SLC4A5: variants seen among roughly 807,000 people sequenced by gnomAD.
SLC4A5 encodes the protein electrogenic sodium bicarbonate cotransporter 4.
SLC4A5 carries 96 observed loss-of-function variants against 120.4 expected under a neutral mutation model. The observed-to-expected ratio is 0.80, with a 90% CI of 0.68 to 0.94. SLC4A5 has a LOEUF of 0.94. Ranked by LOEUF, SLC4A5 falls within the 40% of genes least tolerant of loss-of-function variation. The probability of loss-of-function intolerance (pLI) is 0.00; values close to 1 mark genes in which losing one functional copy is unlikely to be tolerated. For synonymous variants in SLC4A5, 550 were observed against 571.1 expected (o/e 0.96, Z 0.53); for missense variants, 1,259 against 1,459.5 (o/e 0.86, Z 2.24).
intron 11 of SLC4A5, among the ~76,000 whole-genome samples, chr2:74,260,732 C>T (rs1457444005): frequency 6.6e-6 from 1 of 152,168 alleles, no homozygotes; most frequent in Non-Finnish European, 1.5e-5. Flanking sequence ...GGCTCAGTCT[C>T]TGCCTTCCAA....
rs543279477 is a variant in SLC4A5, at chr2:74,304,803, G to C, written c.80-123C>G. 3.8e-5 allele frequency: 36 copies of C among 946,620 alleles called. No individual in the cohort carries two copies. The African/African-American group carries it at 5.7e-4, about 15-fold the overall frequency. The allele number at this position is 946,620 out of a possible 1,614,324, so 58.6% of individuals were successfully genotyped here. A position where few individuals can be genotyped will look rare whatever the true frequency, so the allele number is the denominator to read the frequency against. On this transcript the variant is annotated intron_variant, in intron 6 of 30. Coordinates refer to ENST00000394019, the Ensembl canonical transcript of SLC4A5. Reference sequence around the variant, plus strand: ...CAAAATGGAAGACATGGAGTGCCAGGATGGGGTCATTGCCCTGAGGCTTGG... The same window carrying C: ...CAAAATGGAAGACATGGAGTGCCAGCATGGGGTCATTGCCCTGAGGCTTGG...
At chr2:74,256,924 A>G (rs1367892637) in intron 12 of SLC4A5, among the ~76,000 whole-genome samples, 1 of 152,182 alleles carries the variant, frequency 6.6e-6, no homozygotes, top group Non-Finnish European at 1.5e-5. Flanking sequence ...GCCTGGGGGT[A>G]GAGGACAGCT....
At chr2:74,248,626 G>T in intron 17 of SLC4A5, 140 bp from the exon 18 acceptor site, 2 of 969,216 alleles carry the variant, frequency 2.1e-6, no homozygotes, top group Non-Finnish European at 1.5e-6. Flanking sequence ...CCTAAATCCT[G>T]TTCTCCATCT....
At chr2:74,257,629 G>T (rs1226353051) in intron 12 of SLC4A5, among the ~76,000 whole-genome samples, 1 of 152,122 alleles carries the variant, frequency 6.6e-6, no homozygotes, top group Admixed American at 6.5e-5. Flanking sequence ...GTAAAGGCTG[G>T]AGTGCAGTGG....
At chr2:74,252,584 A>T (rs888625347) in intron 15 of SLC4A5, among the ~76,000 whole-genome samples, 196 bp from the exon 16 acceptor site, 5 of 152,196 alleles carry the variant, frequency 3.3e-5, no homozygotes, top group African/African-American at 1.2e-4. Flanking sequence ...TTATTTTTAA[A>T]CTTATTTTAA....
At chr2:74,230,588 G>A (rs1670043347) in intron 25 of SLC4A5, among the ~76,000 whole-genome samples, 2 of 152,076 alleles carry the variant, frequency 1.3e-5, no homozygotes, top group African/African-American at 4.8e-5. Flanking sequence ...CTGGCAATGT[G>A]GAAACACACC....
intron 17 of SLC4A5, 127 bp downstream of exon 17, chr2:74,250,216 A>G (rs2103984352): frequency 1.2e-6 from 1 of 832,698 alleles, no homozygotes; most frequent in Non-Finnish European, 1.9e-6. Context: ...AAGGATTACA[A>G]ATAGTGATGG....
chr2:74,232,606 G>A (rs770064672), exon 24 of SLC4A5: 65 of 1,613,808 alleles, frequency 4.0e-5, no homozygotes, highest in Non-Finnish European at 5.3e-5. Context: ...AAGCCATGAG[G>A]ATGCCCACCC....
chr2:74,235,690 C>T (rs1670246900), intron 21 of SLC4A5, among the ~76,000 whole-genome samples: 1 of 152,164 alleles, frequency 6.6e-6, no homozygotes, highest in African/African-American at 2.4e-5. Context: ...GAGGGAGGCT[C>T]CCCAATTCCA....
At chr2:74,228,128 C>T (rs186437833) in intron 25 of SLC4A5, among the ~76,000 whole-genome samples, 265 of 152,268 alleles carry the variant, frequency 1.7e-3, no homozygotes, top group Non-Finnish European at 2.8e-3. Context: ...CTCACTGCAC[C>T]GTGCGGAGGC....
At chr2:74,220,447 G>A (rs1235162029) in intron 30 of SLC4A5, among the ~76,000 whole-genome samples, 6 of 152,052 alleles carry the variant, frequency 3.9e-5, no homozygotes, top group South Asian at 2.1e-4. Flanking sequence ...CCAGGGTTTC[G>A]ATCCTTAGCG....
In SLC4A5 at chr2:74,327,783, G is replaced by A. The variant is rs183434695; in HGVS notation, c.-3+337C>T. Among the ~76,000 whole-genome samples, 182 of 152,200 alleles carry A rather than the reference G, an allele frequency of 1.2e-3. 1 individual carries two copies. The highest frequency in any genetic ancestry group is 4.0e-3 in the African/African-American group (166 of 41,522). ...TTTGACAAAGACAACAGAAATTTAC[G>A]TACTAGAAGAGAAAGATTCAGTTCT... On this transcript the variant is annotated intron_variant, in intron 5 of 30. Transcript: ENST00000394019.
chr2:74,241,457 G>T (rs1433566062), intron 20 of SLC4A5, among the ~76,000 whole-genome samples: 1 of 151,514 alleles, frequency 6.6e-6, no homozygotes, highest in Non-Finnish European at 1.5e-5. Flanking sequence ...TACACATGAG[G>T]GGGCCAGGCG....
At chr2:74,329,627 G>A (rs1673301404) in intron 4 of SLC4A5, among the ~76,000 whole-genome samples, 2 of 151,946 alleles carry the variant, frequency 1.3e-5, no homozygotes, top group Non-Finnish European at 2.9e-5. Context: ...ATGGTGAGGT[G>A]TAGATGGAGG....
chr2:74,333,259 A>G (rs1164781817), intron 4 of SLC4A5, among the ~76,000 whole-genome samples: 3 of 152,174 alleles, frequency 2.0e-5, no homozygotes, highest in Non-Finnish European at 1.5e-5. Context: ...CCAACTATCA[A>G]TGGTGCCATG....
chr2:74,224,793 A>G (rs1162161823), intron 28 of SLC4A5, 47 bp downstream of exon 28: 2 of 1,580,236 alleles, frequency 1.3e-6, no homozygotes, highest in African/African-American at 1.4e-5. Flanking sequence ...AGTGGAGAGA[A>G]GGTCTCTCAA....
At chr2:74,291,059 G>T (rs1359377187) in intron 7 of SLC4A5, among the ~76,000 whole-genome samples, 3 of 152,132 alleles carry the variant, frequency 2.0e-5, no homozygotes, top group Non-Finnish European at 2.9e-5. Flanking sequence ...TTGCTGTGGG[G>T]TCTCACACTG....
intron 4 of SLC4A5, among the ~76,000 whole-genome samples, chr2:74,330,074 G>A (rs1012258342): frequency 1.2e-4 from 18 of 150,644 alleles, no homozygotes; most frequent in East Asian, 4.0e-4. Context: ...GGTGTGTGGC[G>A]TAGGTATAGG....
chr2:74,320,618 C>A (rs937077628), intron 5 of SLC4A5, among the ~76,000 whole-genome samples: 1 of 152,040 alleles, frequency 6.6e-6, no homozygotes, highest in Non-Finnish European at 1.5e-5. Context: ...AATTTACCTT[C>A]GATGCACCTT....
Sources: gnomAD v4.1 joint callset for allele counts (sites outside exome capture counted in the v4.1 genomes callset) on GRCh38, gnomAD v4.1.1 for gene constraint, MANE v1.5 for transcripts, NCBI Gene and HGNC (gene_info 2026-07-23, HGNC 2026-07-21) for gene names.